MICAL3: variants seen among roughly 807,000 people sequenced by gnomAD.
MICAL3 encodes microtubule associated monooxygenase, calponin and LIM domain containing 3, also known as [F-actin]-monooxygenase MICAL3.
In MICAL3, 62 loss-of-function variants were observed where a neutral mutation model predicts 207.4. That is an observed-to-expected ratio of 0.30 (90% CI 0.24 to 0.37). MICAL3 has a LOEUF of 0.37. MICAL3 is among the 10% of genes least tolerant of loss of function. The pLI, the probability that MICAL3 is intolerant of heterozygous loss-of-function variation, is 1.00. For synonymous variants in MICAL3, 1,077 were observed against 1,069.3 expected (o/e 1.01, Z -0.14); for missense variants, 2,368 against 2,635.6 (o/e 0.90, Z 2.22).
rs1475658340 is a variant in MICAL3, at chr22:18,016,651, T to A, written c.-75+7630A>T. On this transcript the variant is annotated intron_variant, in intron 1 of 31. Transcript: ENST00000441493. The stretch of plus-strand genomic sequence containing the variant: ...TGTAATGTTTTAAAACTCTTTAAAA[T>A]GTTTCTAGGCCGGGTGCGGTGGCTC... Among the ~76,000 whole-genome samples the A allele has an allele frequency of 2.0e-5, 3 of 152,140 alleles. No homozygotes were observed. The East Asian group carries it at 5.8e-4, about 29-fold the overall frequency.
chr22:18,023,125 T>G (rs1274593544), intron 1 of MICAL3, among the ~76,000 whole-genome samples: 4 of 152,148 alleles, frequency 2.6e-5, no homozygotes, highest in African/African-American at 9.6e-5. Context: ...TGGAAAAATG[T>G]CACCCTGATT....
intron 19 of MICAL3, among the ~76,000 whole-genome samples, chr22:17,857,185 C>T (rs1926013073): frequency 6.6e-6 from 1 of 152,158 alleles, no homozygotes; most frequent in African/African-American, 2.4e-5. Context: ...GGGTCATAGA[C>T]CCACCGCCTG....
In MICAL3 at chr22:17,849,686, G is replaced by A. The variant is rs997863129; in HGVS notation, c.2606-7669C>T. On this transcript the variant is annotated intron_variant, in intron 19 of 31. Transcript: ENST00000441493. Reference sequence around the variant, plus strand: ...TGTGTGTGTGTGTGTGTGTGTGTGTGTATTTTTTTTTTTTTTTTTTTTTTT... The same window carrying A: ...TGTGTGTGTGTGTGTGTGTGTGTGTATATTTTTTTTTTTTTTTTTTTTTTT... Among the ~76,000 whole-genome samples the A allele has an allele frequency of 4.5e-3, 254 of 56,198 alleles. 1 individual carries two copies. The highest frequency in any genetic ancestry group is 6.7e-3 in the Non-Finnish European group (190 of 28,338). The allele number at this position is 56,198 out of a possible 152,430, so 36.9% of individuals were successfully genotyped here.
intron 22 of MICAL3, among the ~76,000 whole-genome samples, chr22:17,825,983 G>T (rs1278152632): frequency 6.6e-6 from 1 of 152,152 alleles, no homozygotes; most frequent in South Asian, 2.1e-4. Context: ...ACTTTCTGCT[G>T]AATAGCACCC....
chr22:17,794,384 C>T (rs952066746), intron 29 of MICAL3, among the ~76,000 whole-genome samples: 7 of 152,272 alleles, frequency 4.6e-5, no homozygotes, highest in Non-Finnish European at 1.0e-4. Context: ...TAAGATGTCA[C>T]CACAGGTATG....
chr22:17,943,789 A>G (rs1933921895), intron 1 of MICAL3, among the ~76,000 whole-genome samples: 1 of 152,246 alleles, frequency 6.6e-6, no homozygotes, highest in Admixed American at 6.5e-5. Flanking sequence ...ATCAGCCACC[A>G]ATCAGCACAG....
At chr22:17,899,709 A>G (rs1243849216) in intron 6 of MICAL3, among the ~76,000 whole-genome samples, 161 bp from the exon 7 acceptor site, 1 of 152,180 alleles carries the variant, frequency 6.6e-6, no homozygotes, top group East Asian at 1.9e-4. Context: ...TCATCAGTTC[A>G]TGGAAATACA....
At chr22:18,013,905 ATCT>A (rs1923897127) in intron 1 of MICAL3, among the ~76,000 whole-genome samples, 1 of 151,680 alleles carries the variant, frequency 6.6e-6, no homozygotes, top group Non-Finnish European at 1.5e-5. Context: ...GGCTCAAGCA[ATCT>A]TCTCACCTCA....
chr22:17,964,058 C>A (rs1935039792), intron 1 of MICAL3, among the ~76,000 whole-genome samples: 1 of 152,202 alleles, frequency 6.6e-6, no homozygotes, highest in Non-Finnish European at 1.5e-5. Flanking sequence ...CCTTCTGGGC[C>A]TTCCCCAAAG....
intron 19 of MICAL3, among the ~76,000 whole-genome samples, chr22:17,858,914 G>GT (rs752189243): frequency 6.6e-6 from 1 of 152,180 alleles, no homozygotes; most frequent in East Asian, 1.9e-4. Context: ...TTATGCACAC[G>GT]TATGTATCCA....
At chr22:17,887,525 C>T (rs955542293) in intron 13 of MICAL3, 90 bp from the exon 14 acceptor site, 2 of 781,064 alleles carry the variant, frequency 2.6e-6, no homozygotes, top group Non-Finnish European at 4.3e-6. Flanking sequence ...GGATGGTTCG[C>T]AGAGCCTCAG....
intron 1 of MICAL3, among the ~76,000 whole-genome samples, chr22:17,927,712 T>C (rs1254425652): frequency 6.6e-6 from 1 of 152,120 alleles, no homozygotes; most frequent in Non-Finnish European, 1.5e-5. Context: ...CCTCTGCTTG[T>C]CCTCTGAGCT....
At chr22:17,854,412 CTCTCCA>C (rs1925681465) in intron 19 of MICAL3, among the ~76,000 whole-genome samples, 2 of 152,164 alleles carry the variant, frequency 1.3e-5, no homozygotes, top group South Asian at 4.2e-4. Flanking sequence ...GACCAACCAA[CTCTCCA>C]CAAGGTCTGA....
intron 1 of MICAL3, among the ~76,000 whole-genome samples, chr22:17,970,543 G>A (rs2146409257): frequency 6.6e-6 from 1 of 152,340 alleles, no homozygotes; most frequent in South Asian, 2.1e-4. Context: ...CTCACTTCCT[G>A]AGAAGTGTCA....
chr22:17,804,868 AAGGCTG>A (rs1463735570), intron 29 of MICAL3, among the ~76,000 whole-genome samples: 1 of 152,208 alleles, frequency 6.6e-6, no homozygotes, highest in Non-Finnish European at 1.5e-5. Flanking sequence ...ATGCATGCTC[AAGGCTG>A]AGTCAGTGTT....
At position 17,835,096 on chromosome 22, in the gene MICAL3, CT is replaced by C. The variant is rs201159155; in HGVS notation, c.2802-2990del. ...TAGCTGCACAGGCACAATGTGGGCA[CT>C]GAATAGATGCCCCGAGATGAGGCCA... is the stretch of plus-strand genomic sequence containing the variant. On this transcript the variant is annotated intron_variant, in intron 20 of 31. Coordinates refer to ENST00000441493, the MANE Select transcript of MICAL3 (RefSeq NM_015241.3). Among the ~76,000 whole-genome samples the C allele has an allele frequency of 3.9e-5, 6 of 152,354 alleles. No individual in the cohort carries two copies. The East Asian group carries it at 1.2e-3, about 29-fold the overall frequency.
chr22:17,877,216 T>G (rs200610936), intron 16 of MICAL3, among the ~76,000 whole-genome samples: 7,507 of 16,716 alleles, frequency 0.45, 959 homozygotes, highest in Middle Eastern at 0.55. Context: ...ATGGAGGTTA[T>G]GGAGGTTAGG....
intron 1 of MICAL3, among the ~76,000 whole-genome samples, chr22:18,017,418 T>G (rs1433742741): frequency 6.6e-6 from 1 of 151,744 alleles, no homozygotes; most frequent in Non-Finnish European, 1.5e-5. Flanking sequence ...GGTTTCACAA[T>G]GTTGGCCAGG....
chr22:17,866,613 C>CAGAATAGAATAGAAT (rs60628065), intron 17 of MICAL3, among the ~76,000 whole-genome samples: 7,544 of 136,150 alleles, frequency 0.055, 240 homozygotes, highest in Middle Eastern at 0.079. Flanking sequence ...TAGAACAGAA[C>CAGAATAGAATAGAAT]AGAATAGAAT....
Sources: allele counts gnomAD v4.1 joint callset (sites outside exome capture counted in the v4.1 genomes callset), GRCh38; gene constraint gnomAD v4.1.1; transcripts MANE v1.5; gene names NCBI Gene and HGNC (gene_info 2026-07-23, HGNC 2026-07-21).